Variants in NMNAT2 observed in about 807,000 individuals in gnomAD.
The protein encoded by NMNAT2 is nicotinamide/nicotinic acid mononucleotide adenylyltransferase 2.
NMNAT2 carries 11 observed loss-of-function variants against 41.6 expected under a neutral mutation model. That is an observed-to-expected ratio of 0.26 (90% CI 0.17 to 0.44). The LOEUF is 0.44. Ranked by LOEUF, NMNAT2 falls within the 20% of genes least tolerant of loss-of-function variation. The probability of loss-of-function intolerance (pLI) is 1.00; values close to 1 mark genes in which losing one functional copy is unlikely to be tolerated. For missense variants in NMNAT2, 288 were observed against 407.7 expected (o/e 0.71, Z 2.53); for synonymous variants, 148 against 151.2 (o/e 0.98, Z 0.16).
At chr1:183,377,719 AAAGTAC>A (rs1162929501) in intron 1 of NMNAT2, among the ~76,000 whole-genome samples, 1 of 152,250 alleles carries the variant, frequency 6.6e-6, no homozygotes, top group Non-Finnish European at 1.5e-5. Flanking sequence ...ATAACAACAA[AAAGTAC>A]AAGGCAACAA....
At position 183,327,026 on chromosome 1, in the gene NMNAT2, T is replaced by TTATGTATGTATG. The variant is rs368278255; in HGVS notation, c.86-33245_86-33234dup. 3.8e-3 allele frequency among the ~76,000 whole-genome samples: 545 copies of TTATGTATGTATG among 143,276 alleles called. 4 individuals carry two copies. The highest frequency in any genetic ancestry group is 0.012 in the African/African-American group (494 of 39,638). The allele number at this position is 143,276 out of a possible 152,430, so 94.0% of individuals were successfully genotyped here. ...TCTCAGCAGTATTCATAATTATATT[T>TTATGTATGTATG]TATGTATGTATGTATGTATGTATGT... On this transcript the variant is annotated intron_variant, in intron 1 of 10. Transcript: ENST00000287713.
At position 183,249,368 on chromosome 1, in the gene NMNAT2, C is replaced by T. The variant is rs904903660; in HGVS notation, c.*3273G>A. ...CTTCTGCCTGTTCTTACATCAGCCA[C>T]TTTCAGAAAAATGGGAGAGACATTT... is the stretch of plus-strand genomic sequence containing the variant. On this transcript the variant is annotated 3_prime_UTR_variant, in exon 11 of 11. Coordinates refer to ENST00000287713, the MANE Select transcript of NMNAT2 (RefSeq NM_015039.4). 1 of 152,132 alleles carries T rather than the reference C, an allele frequency of 6.6e-6. No homozygotes were observed. Among genetic ancestry groups the T allele is most frequent in the African/African-American group, 2.4e-5 (1 of 41,396 alleles). 9.4% of individuals were successfully genotyped at this position (152,132 alleles called of 1,614,324 possible).
intron 8 of NMNAT2, chr1:183,267,131 C>A: frequency 6.3e-6 from 1 of 158,988 alleles, no homozygotes; most frequent in Non-Finnish European, 1.4e-5. Context: ...GTCCTGTCCG[C>A]GATGTTTTCA....
At chr1:183,411,379 A>T (rs1649111934) in intron 1 of NMNAT2, among the ~76,000 whole-genome samples, 1 of 151,992 alleles carries the variant, frequency 6.6e-6, no homozygotes, top group African/African-American at 2.4e-5. Flanking sequence ...CAGTGGTGCG[A>T]TCTTGGCTCA....
At chr1:183,407,318 G>A (rs1648985109) in intron 1 of NMNAT2, among the ~76,000 whole-genome samples, 1 of 152,140 alleles carries the variant, frequency 6.6e-6, no homozygotes, top group Admixed American at 6.5e-5. Context: ...CTATATTGAG[G>A]CAAGAATTAT....
intron 1 of NMNAT2, among the ~76,000 whole-genome samples, chr1:183,345,546 T>A (rs1474477896): frequency 6.6e-6 from 1 of 152,092 alleles, no homozygotes; most frequent in African/African-American, 2.4e-5. Flanking sequence ...CTGAGAGACC[T>A]CATTGGCCCT....
chr1:183,254,820 CCTAT>C, intron 10 of NMNAT2, among the ~76,000 whole-genome samples: 1 of 152,172 alleles, frequency 6.6e-6, no homozygotes, highest in Admixed American at 6.5e-5. Context: ...GATATTAATC[CCTAT>C]CTGATATATG....
intron 1 of NMNAT2, among the ~76,000 whole-genome samples, chr1:183,370,671 G>A (rs1212439332): frequency 2.0e-5 from 3 of 152,208 alleles, no homozygotes; most frequent in Admixed American, 1.3e-4. Context: ...GAGTACTGGT[G>A]GGGATCCATT....
At position 183,400,253 on chromosome 1, in the gene NMNAT2, T is replaced by A. The variant is rs76517687; in HGVS notation, c.85+17930A>T. On this transcript the variant is annotated intron_variant, in intron 1 of 10. Coordinates refer to ENST00000287713, the MANE Select transcript of NMNAT2 (RefSeq NM_015039.4). Reference sequence around the variant, plus strand: ...AATCCATGTGCAAAAATCACAAGCATTCATATACACCAATAATAGACAAAC... The same window carrying A: ...AATCCATGTGCAAAAATCACAAGCAATCATATACACCAATAATAGACAAAC... Among the ~76,000 whole-genome samples the A allele has an allele frequency of 4.1e-4, 63 of 152,214 alleles. No individual in the cohort carries two copies. In the East Asian group the frequency reaches 0.012, roughly 29 times the overall value.
intron 1 of NMNAT2, among the ~76,000 whole-genome samples, chr1:183,298,462 G>C (rs1392863658): frequency 6.6e-6 from 1 of 152,106 alleles, no homozygotes; most frequent in Non-Finnish European, 1.5e-5. Flanking sequence ...GAAATACTTA[G>C]GTATAAATAT....
intron 1 of NMNAT2, among the ~76,000 whole-genome samples, chr1:183,300,199 C>T (rs1435916432): frequency 2.0e-5 from 3 of 151,984 alleles, no homozygotes; most frequent in Admixed American, 6.5e-5. Context: ...GTCAGGAGTT[C>T]GAGACCAGCC....
intron 1 of NMNAT2, among the ~76,000 whole-genome samples, chr1:183,404,414 C>T (rs990528281): frequency 2.0e-5 from 3 of 152,180 alleles, no homozygotes; most frequent in African/African-American, 7.2e-5. Context: ...TTACACTTAG[C>T]TAGCCTGTGC....
At chr1:183,376,699 T>A (rs1663686118) in intron 1 of NMNAT2, among the ~76,000 whole-genome samples, 1 of 152,196 alleles carries the variant, frequency 6.6e-6, no homozygotes, top group Admixed American at 6.5e-5. Flanking sequence ...CATTTCCCTA[T>A]ATAGAACTTT....
At chr1:183,254,430 G>T (rs1300692025) in intron 10 of NMNAT2, among the ~76,000 whole-genome samples, 2 of 151,908 alleles carry the variant, frequency 1.3e-5, no homozygotes, top group East Asian at 1.9e-4. Context: ...TTGTTTGTTT[G>T]TTTGTTTGTT....
intron 1 of NMNAT2, among the ~76,000 whole-genome samples, chr1:183,383,250 G>C (rs1362592902): frequency 6.6e-6 from 1 of 152,198 alleles, no homozygotes; most frequent in African/African-American, 2.4e-5. Flanking sequence ...TCCTGAGGCT[G>C]TGCAGGGCAG....
At chr1:183,409,162 C>G (rs983172787) in intron 1 of NMNAT2, among the ~76,000 whole-genome samples, 3 of 151,466 alleles carry the variant, frequency 2.0e-5, no homozygotes, top group African/African-American at 4.9e-5. Flanking sequence ...TGAGGCCAGA[C>G]AGGGCAACAA....
At chr1:183,353,795 C>G (rs981270525) in intron 1 of NMNAT2, among the ~76,000 whole-genome samples, 4 of 152,134 alleles carry the variant, frequency 2.6e-5, no homozygotes, top group Admixed American at 1.3e-4. Flanking sequence ...TACTGGTATT[C>G]AGACCTCCAG....
intron 1 of NMNAT2, among the ~76,000 whole-genome samples, chr1:183,381,298 C>T (rs984633953): frequency 2.6e-5 from 4 of 152,336 alleles, no homozygotes; most frequent in African/African-American, 9.6e-5. Flanking sequence ...AAACCAACCT[C>T]TATTTGGGCT....
intron 1 of NMNAT2, among the ~76,000 whole-genome samples, chr1:183,342,843 C>T (rs1438326047): frequency 2.0e-5 from 3 of 151,952 alleles, no homozygotes; most frequent in Admixed American, 6.6e-5. Context: ...AAGTGATTTC[C>T]CCACCTCAGC....
Sources: allele counts gnomAD v4.1 joint callset (sites outside exome capture counted in the v4.1 genomes callset), GRCh38; gene constraint gnomAD v4.1.1; transcripts MANE v1.5; gene names NCBI Gene and HGNC (gene_info 2026-07-23, HGNC 2026-07-21).